Variants in EPB41 observed in about 807,000 individuals in gnomAD.
EPB41 encodes protein 4.1.
A neutral mutation model predicts 108.0 loss-of-function variants in EPB41; 65 were observed. The observed-to-expected ratio is 0.60, with a 90% CI of 0.49 to 0.74. The LOEUF (loss-of-function observed/expected upper bound fraction) is 0.74. EPB41 is among the 30% of genes least tolerant of loss of function. The probability of loss-of-function intolerance (pLI) is 0.00; values close to 1 mark genes in which losing one functional copy is unlikely to be tolerated. For missense variants in EPB41, 875 were observed against 1,037.0 expected, an observed-to-expected ratio of 0.84 and a Z score of 2.15; for synonymous variants, 336 against 358.9, an observed-to-expected ratio of 0.94 and a Z score of 0.72.
intron 1 of EPB41, among the ~76,000 whole-genome samples, chr1:28,899,000 C>G (rs1050017085): frequency 1.4e-4 from 22 of 152,138 alleles, no homozygotes; most frequent in African/African-American, 4.6e-4. Context: ...GATCCCTCAG[C>G]CTTCTGGATC....
At chr1:29,089,631 G>C (rs1660475700) in intron 16 of EPB41, among the ~76,000 whole-genome samples, 1 of 152,198 alleles carries the variant, frequency 6.6e-6, no homozygotes, top group Non-Finnish European at 1.5e-5. Context: ...GAAGGAATAA[G>C]ATTTACAAAG....
rs142864912 is a variant in EPB41 at position 28,900,233 on chromosome 1, G to A, written c.-8+13023G>A. ...GCCAGAGACTAGCAGCAGAAAGGTGGAGTCAGACAGAGCTGCCTATTCTAG... is the reference window on the plus strand; with the variant it reads ...GCCAGAGACTAGCAGCAGAAAGGTGAAGTCAGACAGAGCTGCCTATTCTAG... On this transcript the variant is annotated intron_variant, in intron 1 of 16. Coordinates refer to the EPB41 transcript ENST00000347529. Among the ~76,000 whole-genome samples, 21 of 152,068 alleles carry A rather than the reference G, an allele frequency of 1.4e-4. No homozygotes were observed. In the East Asian group the frequency reaches 4.1e-3, roughly 29 times the overall value.
intron 15 of EPB41, among the ~76,000 whole-genome samples, chr1:29,062,434 A>C (rs1350404505): frequency 2.0e-5 from 3 of 152,112 alleles, no homozygotes; most frequent in Non-Finnish European, 2.9e-5. Flanking sequence ...CTGAGAGGGG[A>C]TTTCTAAATA....
intron 1 of EPB41, among the ~76,000 whole-genome samples, chr1:28,981,648 C>G (rs1402857867): frequency 6.6e-6 from 1 of 152,168 alleles, no homozygotes; most frequent in Non-Finnish European, 1.5e-5. Context: ...ATCTTCACAT[C>G]ATTTCCATTA....
At chr1:29,112,566 T>TAG (rs1669534417) in intron 19 of EPB41, 118 bp downstream of exon 19, 1 of 800,722 alleles carries the variant, frequency 1.2e-6, no homozygotes, top group Non-Finnish European at 2.2e-6. Flanking sequence ...CTCTAGCTCT[T>TAG]AATTGAGAAG....
In EPB41 at chr1:28,972,618, T is replaced by C. The variant is rs79741378; in HGVS notation, c.-7-14813T>C. On this transcript the variant is annotated intron_variant, in intron 1 of 20. Coordinates refer to ENST00000343067, the MANE Select transcript of EPB41 (RefSeq NM_001376013.1). ...GTATGGCAAGCAGTTTTTTTTTTTTTAGACAGAGTCTTGCTCTGTTGCCCA... is the reference window on the plus strand; with the variant it reads ...GTATGGCAAGCAGTTTTTTTTTTTTCAGACAGAGTCTTGCTCTGTTGCCCA... 3.7e-3 allele frequency among the ~76,000 whole-genome samples: 568 copies of C among 152,090 alleles called. 6 individuals carry two copies. The highest frequency in any genetic ancestry group is 0.013 in the African/African-American group (526 of 41,486).
intron 1 of EPB41, among the ~76,000 whole-genome samples, chr1:28,921,066 G>A (rs1043371596): frequency 2.6e-5 from 4 of 152,142 alleles, no homozygotes; most frequent in Non-Finnish European, 5.9e-5. Flanking sequence ...ATCACATCTA[G>A]CTAATAGAGT....
intron 7 of EPB41, among the ~76,000 whole-genome samples, chr1:29,019,208 G>A (rs1339211633): frequency 6.6e-6 from 1 of 152,106 alleles, no homozygotes; most frequent in Non-Finnish European, 1.5e-5. Context: ...TTGAACCCGA[G>A]TGTTTGGGAC....
chr1:28,921,170 G>A (rs1025781940), intron 1 of EPB41, among the ~76,000 whole-genome samples: 2 of 152,166 alleles, frequency 1.3e-5, no homozygotes, highest in Admixed American at 6.5e-5. Context: ...TTAGGCCAAG[G>A]TTTAGTTGTG....
At chr1:28,971,083 T>C (rs1012395900) in intron 1 of EPB41, among the ~76,000 whole-genome samples, 1 of 151,652 alleles carries the variant, frequency 6.6e-6, no homozygotes, top group African/African-American at 2.4e-5. Context: ...CTTGACCTCA[T>C]GTGATCTGCC....
chr1:29,002,465 G>T (rs1228241412), intron 4 of EPB41, among the ~76,000 whole-genome samples: 2 of 151,088 alleles, frequency 1.3e-5, no homozygotes, highest in Admixed American at 1.3e-4. Flanking sequence ...AAAAAAAAAA[G>T]ATAGTATTAT....
chr1:28,999,610 T>C (rs755982650), intron 4 of EPB41, among the ~76,000 whole-genome samples: 8 of 152,158 alleles, frequency 5.3e-5, no homozygotes, highest in African/African-American at 1.9e-4. Context: ...AGCATACTTA[T>C]ACATTTCTAG....
intron 16 of EPB41, among the ~76,000 whole-genome samples, chr1:29,093,950 T>TAATA (rs1161950199): frequency 3.3e-5 from 5 of 152,174 alleles, no homozygotes; most frequent in Non-Finnish European, 5.9e-5. Context: ...GGAATGCTAT[T>TAATA]GCCTAGGTTG....
chr1:28,942,589 C>G (rs1287893413), intron 1 of EPB41, among the ~76,000 whole-genome samples: 1 of 152,252 alleles, frequency 6.6e-6, no homozygotes, highest in East Asian at 1.9e-4. Context: ...CCAACCTCCA[C>G]GATCTTACAT....
At chr1:28,956,414 G>C (rs2094952359) in intron 1 of EPB41, among the ~76,000 whole-genome samples, 1 of 152,170 alleles carries the variant, frequency 6.6e-6, no homozygotes, top group Non-Finnish European at 1.5e-5. Flanking sequence ...ACAGCTGTAT[G>C]GAAAATTAGT....
Position 28,907,127 on chromosome 1 carries a change from C to T in EPB41, c.-8+19917C>T, listed in dbSNP as rs998194435. On this transcript the variant is annotated intron_variant, in intron 1 of 16. Coordinates refer to the EPB41 transcript ENST00000347529. The stretch of plus-strand genomic sequence containing the variant: ...GTCACCCAGGCAGGAGTACAGTGTG[C>T]GATCTTGGCTCACTGCAACGTCCGC... Among the ~76,000 whole-genome samples the T allele has an allele frequency of 2.0e-4, 30 of 150,244 alleles. 1 individual carries two copies. Among genetic ancestry groups the T allele is most frequent in the South Asian group, 2.1e-4 (1 of 4,766 alleles).
intron 1 of EPB41, among the ~76,000 whole-genome samples, chr1:28,951,605 C>G (rs1399932223): frequency 3.3e-5 from 5 of 151,998 alleles, no homozygotes; most frequent in African/African-American, 9.7e-5. Context: ...TGTAATCCCC[C>G]CACTTTGGGA....
At position 28,984,507 on chromosome 1, in the gene EPB41, C is replaced by T. The variant is rs143028677; in HGVS notation, c.-7-2924C>T. 3.7e-3 allele frequency among the ~76,000 whole-genome samples: 570 copies of T among 152,230 alleles called. 6 individuals carry two copies. Among genetic ancestry groups the T allele is most frequent in the African/African-American group, 0.013 (531 of 41,548 alleles). Reference sequence around the variant, plus strand: ...GTATTTCTAGCACGTAGCATCAGTCCTGTGCTAGGTGCCTGATAAGAATTT... The same window carrying T: ...GTATTTCTAGCACGTAGCATCAGTCTTGTGCTAGGTGCCTGATAAGAATTT... On this transcript the variant is annotated intron_variant, in intron 1 of 20. Coordinates refer to ENST00000343067, the MANE Select transcript of EPB41 (RefSeq NM_001376013.1).
At chr1:28,989,465 G>C (rs1184235441) in intron 2 of EPB41, 1 of 899,918 alleles carries the variant, frequency 1.1e-6, no homozygotes, top group Non-Finnish European at 1.3e-6. Flanking sequence ...TGACAGTGTT[G>C]GGGGGAAAAA....
Sources: allele counts gnomAD v4.1 joint callset (sites outside exome capture counted in the v4.1 genomes callset), GRCh38; gene constraint gnomAD v4.1.1; transcripts MANE v1.5; gene names NCBI Gene and HGNC (gene_info 2026-07-23, HGNC 2026-07-21).